Variants in DNAH17 observed in about 807,000 individuals in gnomAD.
DNAH17 encodes axonemal beta dynein heavy chain 17.
In DNAH17, 376 loss-of-function variants were observed where a neutral mutation model predicts 485.6. The observed-to-expected ratio is 0.77, with a 90% CI of 0.71 to 0.84. The LOEUF (loss-of-function observed/expected upper bound fraction) is 0.84, where lower values mean the gene tolerates loss of function less well. DNAH17 is among the 40% of genes least tolerant of loss of function. The pLI, the probability that DNAH17 is intolerant of heterozygous loss-of-function variation, is 0.00. For synonymous variants in DNAH17, 3,031 were observed against 2,405.9 expected, an observed-to-expected ratio of 1.26 and a Z score of -7.60; for missense variants, 6,370 against 5,839.3, an observed-to-expected ratio of 1.09 and a Z score of -2.96.
intron 44 of DNAH17, among the ~76,000 whole-genome samples, chr17:78,487,098 T>C (rs1319327837): frequency 2.0e-5 from 3 of 151,904 alleles, no homozygotes; most frequent in Non-Finnish European, 4.4e-5. Flanking sequence ...CGTGCCAGAC[T>C]GTTGGCCACA....
At chr17:78,522,286 T>A in intron 25 of DNAH17, 1 of 239,638 alleles carries the variant, frequency 4.2e-6, no homozygotes, top group Non-Finnish European at 8.5e-6. Flanking sequence ...CCACAGTACC[T>A]CCACTGAGAA....
At position 78,510,457 on chromosome 17, in the gene DNAH17, A is replaced by T. The variant is rs2090603730; in HGVS notation, c.4163T>A (p.Leu1388Gln). The change falls in exon 27 of 81, where the codon CTG becomes CAG. Residue 1388 changes from leucine (L) to glutamine (Q), a missense_variant. Coordinates refer to ENST00000389840, the MANE Select transcript of DNAH17 (RefSeq NM_173628.4). ...EETTLADLLQ[L>Q]NLHSYEDEVR... is the part of the protein sequence containing the mutation. ...CTCATCCTCGTAACTGTGGAGGTTC[A>T]GCTGCAGTAAATCTGCCAGGGTCGT... 1 of 1,613,860 alleles carries T rather than the reference A, an allele frequency of 6.2e-7. No homozygotes were observed. The highest frequency in any genetic ancestry group is 1.3e-5 in the African/African-American group (1 of 75,056).
intron 42 of DNAH17, among the ~76,000 whole-genome samples, chr17:78,491,946 T>C (rs929024834): frequency 2.0e-5 from 3 of 152,128 alleles, no homozygotes; most frequent in African/African-American, 4.8e-5. Context: ...GCACGCTTCA[T>C]GCGTCAGGCA....
At position 78,556,685 on chromosome 17, in the gene DNAH17, G is replaced by A. The variant is rs117277052; in HGVS notation, c.2178+1423C>T. On this transcript the variant is annotated intron_variant, in intron 14 of 80. Coordinates refer to ENST00000389840, the MANE Select transcript of DNAH17 (RefSeq NM_173628.4). ...GCTGAGCCCCACAGCCACGCTCTCC[G>A]GGCCCCTCCTGATTGTACAGGGATG... 1.4e-3 allele frequency among the ~76,000 whole-genome samples: 206 copies of A among 152,174 alleles called. 2 individuals are homozygous for A. In the East Asian group the frequency reaches 0.022, roughly 16 times the overall value.
At chr17:78,488,494 T>A (rs963791679) in intron 44 of DNAH17, among the ~76,000 whole-genome samples, 1 of 152,164 alleles carries the variant, frequency 6.6e-6, no homozygotes, top group African/African-American at 2.4e-5. Flanking sequence ...TCTGCTCCCA[T>A]AGGGTGTCCC....
intron 18 of DNAH17, among the ~76,000 whole-genome samples, chr17:78,538,502 C>A (rs189213138): frequency 7.6e-4 from 116 of 152,306 alleles, no homozygotes; most frequent in African/African-American, 1.9e-3. Context: ...TTTGAGCCCC[C>A]CAATTTGTCT....
At position 78,425,361 on chromosome 17, in the gene DNAH17, C is replaced by T. The variant is rs778492396; in HGVS notation, c.13126G>A (p.Gly4376Arg). The change falls in exon 80 of 81, where the codon GGA (glycine) becomes AGA (arginine). Residue 4376 changes from glycine (G) to arginine (R), a missense_variant. By Grantham distance (125) the Gly-to-Arg change is moderately radical. Coordinates refer to ENST00000389840, the MANE Select transcript of DNAH17 (RefSeq NM_173628.4). ...CCCTCCTTACCTTCCATGAAGAGTC[C>T]GTACACGTAGGAGCCCTCTCGCGGA... ...APPREGSYVY[G>R]LFMEGARWDT... 11 of 1,613,772 alleles carry T rather than the reference C, an allele frequency of 6.8e-6. No individual in the cohort carries two copies. Among genetic ancestry groups the T allele is most frequent in the Admixed American group, 6.7e-5 (4 of 59,992 alleles).
chr17:78,459,972 C>T lies in DNAH17; in HGVS notation c.9465G>A (p.Gly3155=). Residue 3155 remains glycine, a synonymous_variant, in exon 60 of 81, where the codon GGG becomes GGA. Transcript: ENST00000389840. The stretch of plus-strand genomic sequence containing the variant: ...CGTTGACCACAGCATCCGGCGGGGA[C>T]CCAAAGGACTTCAGCTCTGTCAGGT... ...KNNLTELKSF[G]SPPDAVVNVT... is the part of the protein sequence containing the mutation. 6.2e-7 allele frequency: 1 copy of T among 1,613,210 alleles called. No individual in the cohort carries two copies. Among genetic ancestry groups the T allele is most frequent in the Non-Finnish European group, 8.5e-7 (1 of 1,179,886 alleles).
rs777661578 is a variant in DNAH17 at position 78,491,557 on chromosome 17, G to T, written c.6555C>A (p.Thr2185=). The T allele has an allele frequency of 6.8e-6, 11 of 1,613,982 alleles. No homozygotes were observed. Among genetic ancestry groups the T allele is most frequent in the Non-Finnish European group, 9.3e-6 (11 of 1,179,916 alleles). The change falls in exon 43 of 81, where the codon ACC becomes ACA. Residue 2185 remains threonine (T), a synonymous_variant. Transcript: ENST00000389840. ...TGATGTTGGCCAGGTCTCGCATGATGGTGGAGAACAGGCCTGGGGGAGGCG... is the reference window on the plus strand; with the variant it reads ...TGATGTTGGCCAGGTCTCGCATGATTGTGGAGAACAGGCCTGGGGGAGGCG... ...TREWKDGLFS[T]IMRDLANITH...
At chr17:78,532,776 T>C (rs758590431) in intron 19 of DNAH17, 40 bp from the exon 20 acceptor site, 10 of 1,538,074 alleles carry the variant, frequency 6.5e-6, no homozygotes, top group South Asian at 2.5e-5. Flanking sequence ...GGAGGTATGT[T>C]GCCTGGTTCA....
At chr17:78,449,388 C>T in intron 69 of DNAH17, 26 bp downstream of exon 69, 1 of 1,537,764 alleles carries the variant, frequency 6.5e-7, no homozygotes, top group East Asian at 2.5e-5. Context: ...ACGGACCACA[C>T]TAGGAACAGT....
chr17:78,523,792 A>G (rs2090993999), intron 25 of DNAH17, among the ~76,000 whole-genome samples: 1 of 152,196 alleles, frequency 6.6e-6, no homozygotes, highest in East Asian at 1.9e-4. Context: ...CTGTAGTCCC[A>G]GTTACTTGCG....
chr17:78,460,409 T>C (rs907326339), intron 58 of DNAH17, among the ~76,000 whole-genome samples, 152 bp from the exon 59 acceptor site: 3 of 151,528 alleles, frequency 2.0e-5, no homozygotes, highest in African/African-American at 7.2e-5. Context: ...AGTGTATGTG[T>C]GTGCATGTAT....
chr17:78,451,282 T>A (rs1320313015), intron 66 of DNAH17, among the ~76,000 whole-genome samples, 187 bp downstream of exon 66: 1 of 152,198 alleles, frequency 6.6e-6, no homozygotes, highest in East Asian at 1.9e-4. Context: ...AGGGGACAGC[T>A]GGGGAAGGAA....
At chr17:78,502,769 C>A (rs1294767645) in intron 32 of DNAH17, 71 bp from the exon 33 acceptor site, 8 of 1,591,666 alleles carry the variant, frequency 5.0e-6, no homozygotes, top group South Asian at 1.1e-5. Flanking sequence ...GACATTCCTG[C>A]TGAAAGCTTA....
rs190184449 is a variant in DNAH17, at chr17:78,426,856, C to T, written c.12771+70G>A. ...CGGGGCCTGTGCTAGGCCTGGGTTG[C>T]CAGAGGCCTGGGTTTCTGCTGGTTT... On this transcript the variant is annotated intron_variant, in intron 78 of 80. Coordinates refer to ENST00000389840, the MANE Select transcript of DNAH17 (RefSeq NM_173628.4). The T allele has an allele frequency of 3.1e-4, 481 of 1,537,296 alleles. 1 individual carries two copies. In the African/African-American group the frequency reaches 5.4e-3, roughly 17 times the overall value.
intron 31 of DNAH17, among the ~76,000 whole-genome samples, chr17:78,503,921 G>A (rs530007034): frequency 2.6e-5 from 4 of 151,754 alleles, no homozygotes; most frequent in South Asian, 4.2e-4. Context: ...AGCCAAGATC[G>A]TGCCATTGCA....
intron 48 of DNAH17, among the ~76,000 whole-genome samples, chr17:78,481,107 C>CT (rs34712569): frequency 0.045 from 5,830 of 129,308 alleles, 379 homozygotes; most frequent in Admixed American, 0.12. Context: ...CATCCCCCGG[C>CT]TTTTTTTTTT....
chr17:78,509,260 C>T (rs2090569362), intron 27 of DNAH17, among the ~76,000 whole-genome samples: 1 of 151,246 alleles, frequency 6.6e-6, no homozygotes, highest in Non-Finnish European at 1.5e-5. Flanking sequence ...GCCACCGTGC[C>T]CGGTCCCCCG....
Sources: allele counts gnomAD v4.1 joint callset (sites outside exome capture counted in the v4.1 genomes callset), GRCh38; gene constraint gnomAD v4.1.1; transcripts MANE v1.5; gene names NCBI Gene and HGNC (gene_info 2026-07-23, HGNC 2026-07-21).